ATF6: variants seen among roughly 807,000 people sequenced by gnomAD.
The protein encoded by ATF6 is cyclic AMP-dependent transcription factor ATF-6 alpha.
In ATF6, 53 loss-of-function variants were observed where a neutral mutation model predicts 83.6. The ratio of observed to expected loss-of-function variants is 0.63; its 90% CI spans 0.51 to 0.80. The LOEUF (loss-of-function observed/expected upper bound fraction) is 0.80. Among genes scored for constraint, ATF6 ranks in the 30% least tolerant of loss-of-function variants. The pLI, the probability that ATF6 is intolerant of heterozygous loss-of-function variation, is 0.00. For synonymous variants in ATF6, 288 were observed against 285.8 expected (o/e 1.01, Z -0.08); for missense variants, 744 against 797.9 (o/e 0.93, Z 0.81).
intron 14 of ATF6, among the ~76,000 whole-genome samples, chr1:161,873,683 C>A (rs181067001): frequency 1.3e-5 from 2 of 151,612 alleles, no homozygotes; most frequent in East Asian, 3.9e-4. Context: ...GAAGAGATAT[C>A]CAGTTCATAA....
chr1:161,854,741 G>A (rs988807489), intron 12 of ATF6, among the ~76,000 whole-genome samples: 4 of 152,122 alleles, frequency 2.6e-5, no homozygotes, highest in South Asian at 2.1e-4. Context: ...GCGTGGTGGC[G>A]GGTGCCTGTA....
chr1:161,781,480 C>T (rs1684634413), intron 2 of ATF6, among the ~76,000 whole-genome samples: 1 of 152,030 alleles, frequency 6.6e-6, no homozygotes, highest in African/African-American at 2.4e-5. Context: ...TGATTCTTGC[C>T]TGTCTTTTGG....
chr1:161,874,835 G>A (rs1687177708), intron 14 of ATF6, among the ~76,000 whole-genome samples: 1 of 151,690 alleles, frequency 6.6e-6, no homozygotes, highest in South Asian at 2.1e-4. Context: ...CCACAGCCAT[G>A]TAGGCAGACA....
In ATF6 at chr1:161,821,065, T is replaced by C. The variant is rs1033501312; in HGVS notation, c.1096-5T>C. 1.3e-6 allele frequency: 2 copies of C among 1,597,488 alleles called. No homozygotes were observed. The highest frequency in any genetic ancestry group is 2.3e-5 in the South Asian group (2 of 88,392). On this transcript the variant is annotated splice_polypyrimidine_tract_variant and splice_region_variant and intron_variant, in intron 8 of 15. Transcript: ENST00000367942. ...AATTGTATTTAATGTGGTCATTTCC[T>C]TTAGAACCAGAGGCTTAAAGTCCCT...
intron 15 of ATF6, among the ~76,000 whole-genome samples, chr1:161,925,161 G>T (rs950811180): frequency 6.6e-6 from 1 of 152,136 alleles, no homozygotes; most frequent in Non-Finnish European, 1.5e-5. Flanking sequence ...TTGTGACCTG[G>T]GTTCATGGTG....
At chr1:161,868,372 A>G (rs1687054704) in intron 14 of ATF6, among the ~76,000 whole-genome samples, 1 of 152,070 alleles carries the variant, frequency 6.6e-6, no homozygotes, top group Non-Finnish European at 1.5e-5. Context: ...ACTATACCAC[A>G]CAGCCTGTTT....
intron 13 of ATF6, among the ~76,000 whole-genome samples, chr1:161,861,363 A>C (rs1686882695): frequency 6.6e-6 from 1 of 152,218 alleles, no homozygotes; most frequent in Admixed American, 6.5e-5. Context: ...CTAATAACTG[A>C]GAATTCCTAT....
chr1:161,940,290 A>G (rs531740388), intron 15 of ATF6, among the ~76,000 whole-genome samples: 7 of 152,314 alleles, frequency 4.6e-5, no homozygotes, highest in African/African-American at 1.7e-4. Context: ...AATAAAATAC[A>G]TATCCCCATC....
In ATF6 at chr1:161,958,575, CCAA is replaced by C. The variant is rs752618190; in HGVS notation, c.1937_1939del (p.Asn646del). ...CTCCGAGATCAGCAGAGGAATCAAA[CCAA>C]CACCTTCTTTGGCTCCCCTCCCGCA... On this transcript the variant is annotated inframe_deletion, in exon 16 of 16. Transcript: ENST00000367942. The C allele has an allele frequency of 3.1e-6, 5 of 1,613,952 alleles. No individual in the cohort carries two copies. The Middle Eastern group carries it at 4.9e-4, about 159-fold the overall frequency.
At chr1:161,793,948 C>T (rs1026031521) in intron 6 of ATF6, among the ~76,000 whole-genome samples, 11 of 152,140 alleles carry the variant, frequency 7.2e-5, no homozygotes, top group African/African-American at 2.7e-4. Flanking sequence ...CGCTGTGTTG[C>T]CAGGCTGGAG....
intron 14 of ATF6, among the ~76,000 whole-genome samples, chr1:161,867,256 C>T (rs1446482400): frequency 1.3e-5 from 2 of 151,916 alleles, no homozygotes; most frequent in Non-Finnish European, 2.9e-5. Context: ...GATCGCGCCA[C>T]TGCACTCCAG....
intron 2 of ATF6, among the ~76,000 whole-genome samples, chr1:161,778,559 G>A (rs1684572217): frequency 6.6e-6 from 1 of 152,130 alleles, no homozygotes; most frequent in Non-Finnish European, 1.5e-5. Context: ...GGGTGACTTT[G>A]GAAAAGTCAC....
At chr1:161,924,128 G>A (rs1688265482) in intron 15 of ATF6, among the ~76,000 whole-genome samples, 1 of 152,170 alleles carries the variant, frequency 6.6e-6, no homozygotes, top group Admixed American at 6.5e-5. Flanking sequence ...TAGAAGAATT[G>A]CTTAGTAAGC....
intron 9 of ATF6, among the ~76,000 whole-genome samples, chr1:161,826,931 ATTTT>A (rs11376981): frequency 7.7e-6 from 1 of 129,604 alleles, no homozygotes; most frequent in Non-Finnish European, 1.6e-5. Flanking sequence ...GATTGGCCCC[ATTTT>A]TTTTTTTTTT....
At chr1:161,864,996 A>G (rs1686961203) in intron 14 of ATF6, among the ~76,000 whole-genome samples, 1 of 152,242 alleles carries the variant, frequency 6.6e-6, no homozygotes, top group Non-Finnish European at 1.5e-5. Context: ...TAACACTCAA[A>G]TAGACAGTTT....
rs1194146147 is a variant in ATF6 at position 161,812,388 on chromosome 1, T to C, written c.910-7245T>C. ...GGTATTTTCTTTTTTTTTTTTTTTT[T>C]TTTTTTTTTTTTTTTTTTTTTTGAG... On this transcript the variant is annotated intron_variant, in intron 7 of 15. Transcript: ENST00000367942. Among the ~76,000 whole-genome samples the C allele has an allele frequency of 7.7e-3, 806 of 104,174 alleles. 11 individuals carry two copies. The highest frequency in any genetic ancestry group is 9.8e-3 in the Non-Finnish European group (521 of 52,910). 68.3% of individuals were successfully genotyped at this position (104,174 alleles called of 152,430 possible).
intron 14 of ATF6, chr1:161,891,948 T>C (rs1306186026): frequency 6.6e-6 from 1 of 152,188 alleles, no homozygotes; most frequent in Non-Finnish European, 1.5e-5. Flanking sequence ...TGGCCCAAGG[T>C]TTCTTTATTA....
At chr1:161,890,279 C>T (rs2101868092) in intron 14 of ATF6, among the ~76,000 whole-genome samples, 1 of 152,164 alleles carries the variant, frequency 6.6e-6, no homozygotes, top group Admixed American at 6.5e-5. Context: ...TTAAAGATCT[C>T]GGAAGTTTGC....
At chr1:161,810,570 G>A (rs551404599) in intron 7 of ATF6, among the ~76,000 whole-genome samples, 118 of 151,674 alleles carry the variant, frequency 7.8e-4, no homozygotes, top group African/African-American at 2.8e-3. Context: ...CAATGTGCAA[G>A]TGCATTTGTC....
Sources: allele counts gnomAD v4.1 joint callset (sites outside exome capture counted in the v4.1 genomes callset), GRCh38; gene constraint gnomAD v4.1.1; transcripts MANE v1.5; gene names NCBI Gene and HGNC (gene_info 2026-07-23, HGNC 2026-07-21).